Variants in ANK2 observed in about 807,000 individuals in gnomAD.
ANK2 encodes the protein ankyrin-2.
In ANK2, 83 loss-of-function variants were observed where a neutral mutation model predicts 360.5. That is an observed-to-expected ratio of 0.23 (90% CI 0.19 to 0.28). ANK2 has a LOEUF of 0.28. Ranked by LOEUF, ANK2 falls within the 10% of genes least tolerant of loss-of-function variation. ANK2 has a pLI of 1.00. For synonymous variants in ANK2, 1,740 were observed against 1,759.5 expected (o/e 0.99, Z 0.28); for missense variants, 4,201 against 4,795.7 (o/e 0.88, Z 3.66).
At chr4:112,912,981 T>G (rs1222088623) in intron 2 of ANK2, among the ~76,000 whole-genome samples, 2 of 152,184 alleles carry the variant, frequency 1.3e-5, no homozygotes, top group Admixed American at 6.5e-5. Context: ...GAAAATCTGC[T>G]GAAGTCTCTA....
chr4:112,846,067 G>C (rs2063220587), intron 1 of ANK2, among the ~76,000 whole-genome samples: 1 of 152,152 alleles, frequency 6.6e-6, no homozygotes, highest in African/African-American at 2.4e-5. Context: ...TCTTGAAACA[G>C]TAGTCTTTCC....
At chr4:113,359,330 T>A in intron 38 of ANK2, 31 bp downstream of exon 38, 1 of 1,611,760 alleles carries the variant, frequency 6.2e-7, no homozygotes, top group Non-Finnish European at 8.5e-7. Context: ...TTCCCTGTGC[T>A]ACGCATGTCA....
At chr4:113,345,393 C>A (rs1228795644) in intron 34 of ANK2, among the ~76,000 whole-genome samples, 2 of 152,066 alleles carry the variant, frequency 1.3e-5, no homozygotes, top group Non-Finnish European at 2.9e-5. Flanking sequence ...GTGCTTAATG[C>A]CACTGAATTT....
chr4:112,819,249 T>C (rs1408960064), intron 1 of ANK2, among the ~76,000 whole-genome samples: 4 of 152,258 alleles, frequency 2.6e-5, no homozygotes, highest in African/African-American at 7.2e-5. Flanking sequence ...TTATTTGCCC[T>C]GGCACTTTTC....
intron 4 of ANK2, among the ~76,000 whole-genome samples, chr4:113,201,641 A>G (rs2036938616): frequency 6.6e-6 from 1 of 152,200 alleles, no homozygotes; most frequent in African/African-American, 2.4e-5. Flanking sequence ...ACCATATTTT[A>G]CTTTCCTCAA....
At chr4:112,922,500 GA>G (rs1213023417) in intron 2 of ANK2, among the ~76,000 whole-genome samples, 4 of 152,150 alleles carry the variant, frequency 2.6e-5, no homozygotes, top group African/African-American at 9.7e-5. Context: ...CAAGACTGTA[GA>G]AAAATGATAC....
At chr4:112,916,560 T>C (rs1236760234) in intron 2 of ANK2, among the ~76,000 whole-genome samples, 1 of 152,220 alleles carries the variant, frequency 6.6e-6, no homozygotes, top group African/African-American at 2.4e-5. Context: ...GTCTGTATAT[T>C]TGGTAGCAGT....
intron 1 of ANK2, among the ~76,000 whole-genome samples, chr4:113,054,961 A>G (rs981518831): frequency 6.6e-6 from 1 of 152,172 alleles, no homozygotes; most frequent in Non-Finnish European, 1.5e-5. Context: ...CTGTCTGCTG[A>G]CCTCAACTAC....
At chr4:112,855,651 A>G (rs1236332351) in intron 1 of ANK2, among the ~76,000 whole-genome samples, 3 of 152,204 alleles carry the variant, frequency 2.0e-5, no homozygotes, top group African/African-American at 7.2e-5. Context: ...TGTATTAACA[A>G]TGCTATGACT....
At chr4:112,903,526 T>C (rs938876576) in intron 1 of ANK2, among the ~76,000 whole-genome samples, 1 of 152,210 alleles carries the variant, frequency 6.6e-6, no homozygotes, top group African/African-American at 2.4e-5. Context: ...AAAGTTCCAA[T>C]ATGCTTTGAA....
At chr4:112,991,580 T>C (rs1044431978) in intron 2 of ANK2, among the ~76,000 whole-genome samples, 2 of 151,054 alleles carry the variant, frequency 1.3e-5, no homozygotes, top group Non-Finnish European at 2.9e-5. Context: ...CGTATTCTCT[T>C]CAGAGCAAGC....
At chr4:113,087,646 G>T (rs986374909) in intron 1 of ANK2, among the ~76,000 whole-genome samples, 6 of 151,734 alleles carry the variant, frequency 4.0e-5, no homozygotes, top group African/African-American at 1.5e-4. Flanking sequence ...TTTAATTTTT[G>T]GTCTTTGAGG....
chr4:112,979,782 T>C (rs1254979880), intron 2 of ANK2: 1 of 152,188 alleles, frequency 6.6e-6, no homozygotes. Context: ...AGTCCTGACA[T>C]CTGTGTGAGT....
intron 1 of ANK2, among the ~76,000 whole-genome samples, chr4:113,065,767 T>G (rs139618988): frequency 1.3e-5 from 2 of 152,324 alleles, no homozygotes; most frequent in East Asian, 3.9e-4. Context: ...AAGCCATGTT[T>G]CTAACATCAA....
At chr4:112,843,501 A>T (rs1239872988) in intron 1 of ANK2, among the ~76,000 whole-genome samples, 2 of 152,202 alleles carry the variant, frequency 1.3e-5, no homozygotes, top group Admixed American at 1.3e-4. Context: ...TTTAGATAAG[A>T]TTAAAAAACA....
intron 1 of ANK2, chr4:112,904,402 A>T (rs1483527041): frequency 9.4e-7 from 1 of 1,066,844 alleles, no homozygotes; most frequent in Non-Finnish European, 1.3e-6. Flanking sequence ...GTTCTTAATG[A>T]TAAATTGAAA....
chr4:112,759,566 T>C, the ANK2 span, among the ~76,000 whole-genome samples: 3 of 152,208 alleles, frequency 2.0e-5, no homozygotes, highest in Non-Finnish European at 4.4e-5. Flanking sequence ...GCTCTGTTCC[T>C]TGGTGGTAAA....
chr4:112,822,259 AAAAC>A (rs1553927551), intron 1 of ANK2, among the ~76,000 whole-genome samples: 1 of 123,384 alleles, frequency 8.1e-6, no homozygotes. Context: ...AAAAAAAAAA[AAAAC>A]AAAAATTAGC....
intron 2 of ANK2, among the ~76,000 whole-genome samples, chr4:112,954,966 G>A (rs1323139139): frequency 6.6e-6 from 1 of 152,134 alleles, no homozygotes; most frequent in Non-Finnish European, 1.5e-5. Context: ...GACCAAATAT[G>A]TTTGTTATTG....
Sources: gnomAD v4.1 joint callset for allele counts (sites outside exome capture counted in the v4.1 genomes callset) on GRCh38, gnomAD v4.1.1 for gene constraint, MANE v1.5 for transcripts, NCBI Gene and HGNC (gene_info 2026-07-23, HGNC 2026-07-21) for gene names.